ANKRD17: variants seen among roughly 807,000 people sequenced by gnomAD.
The protein encoded by ANKRD17 is ankyrin repeat domain-containing protein 17.
A neutral mutation model predicts 229.7 loss-of-function variants in ANKRD17; 19 were observed. That is an observed-to-expected ratio of 0.08 (90% CI 0.06 to 0.12). The LOEUF (loss-of-function observed/expected upper bound fraction) is 0.12. Ranked by LOEUF, ANKRD17 falls within the 10% of genes least tolerant of loss-of-function variation. The pLI is 1.00. For synonymous variants in ANKRD17, 1,112 were observed against 1,146.1 expected (o/e 0.97, Z 0.60); for missense variants, 2,176 against 3,176.8 (o/e 0.68, Z 7.57).
At chr4:73,120,838 T>G in intron 20 of ANKRD17, 43 bp downstream of exon 20, 5 of 1,559,504 alleles carry the variant, frequency 3.2e-6, no homozygotes, top group Non-Finnish European at 4.4e-6. Flanking sequence ...ATCTTAAATA[T>G]CAAAGCAATA....
At chr4:73,092,359 GT>G in intron 28 of ANKRD17, 59 bp from the exon 29 acceptor site, 2 of 1,373,728 alleles carry the variant, frequency 1.5e-6, no homozygotes, top group Non-Finnish European at 2.0e-6. Context: ...TATGTAAAGT[GT>G]TTTTAATATG....
At chr4:73,211,708 G>A (rs1436181579) in intron 1 of ANKRD17, among the ~76,000 whole-genome samples, 2 of 151,942 alleles carry the variant, frequency 1.3e-5, no homozygotes, top group Admixed American at 1.3e-4. Flanking sequence ...TTAGCTGGGC[G>A]TGGTGGCAGG....
rs145866491 is a variant in ANKRD17 at position 73,156,604 on chromosome 4, A to G, written c.705-438T>C. Among the ~76,000 whole-genome samples the G allele has an allele frequency of 6.1e-3, 931 of 152,062 alleles. 11 individuals carry two copies. The highest frequency in any genetic ancestry group is 0.019 in the African/African-American group (773 of 41,464). ...AGTTCTCATGATATCTGTTTGTTTA[A>G]AAGTGTGTAGCACTACCCACTTTGC... On this transcript the variant is annotated intron_variant, in intron 3 of 33. Coordinates refer to ENST00000358602, the MANE Select transcript of ANKRD17 (RefSeq NM_032217.5).
In ANKRD17 at chr4:73,091,364, T is replaced by A; in HGVS notation, c.6264A>T (p.Thr2088=). ...EAGSPPVVET[T]NTRPPNSSSS... is the part of the protein sequence containing the mutation. ...TGCTGCTGTTTGGAGGTCTAGTGTT[T>A]GTTGTTTCTACTACTGGTGGACTAC... Residue 2088 remains threonine, a synonymous_variant, in exon 29 of 34, where the codon ACA becomes ACT. Coordinates refer to ENST00000358602, the MANE Select transcript of ANKRD17 (RefSeq NM_032217.5). 2 of 1,614,144 alleles carry A rather than the reference T, an allele frequency of 1.2e-6. No individual in the cohort carries two copies.
intron 18 of ANKRD17, among the ~76,000 whole-genome samples, chr4:73,122,766 T>C (rs1298398329): frequency 6.6e-6 from 1 of 152,082 alleles, no homozygotes; most frequent in Non-Finnish European, 1.5e-5. Flanking sequence ...ACTTTTTGCT[T>C]TCAGAGCGAG....
At chr4:73,215,492 T>C (rs550761785) in intron 1 of ANKRD17, among the ~76,000 whole-genome samples, 4 of 152,336 alleles carry the variant, frequency 2.6e-5, no homozygotes, top group Admixed American at 2.0e-4. Context: ...TCTCTTGACC[T>C]TGTGATCCAC....
intron 1 of ANKRD17, among the ~76,000 whole-genome samples, chr4:73,191,337 A>ATCTGTGTGTGTG (rs1349894740): frequency 1.6e-5 from 1 of 61,918 alleles, no homozygotes. Context: ...ACCAAAAAAT[A>ATCTGTGTGTGTG]TATATGTGTG....
chr4:73,125,310 A>C lies in ANKRD17; in HGVS notation c.3237T>G (p.Thr1079=). The change falls in exon 17 of 34, where the codon ACT becomes ACG. Residue 1079 remains threonine (T), a splice_region_variant and synonymous_variant. Transcript: ENST00000358602. The part of the protein sequence containing the change: ...IYPAIDIDAQ[T]ESNHDTALTL... ...TTAGTGCCGTGTCATGATTACTCTCAGTCTATAAGAAATTATTTTTTGGTT... is the reference window on the plus strand; with the variant it reads ...TTAGTGCCGTGTCATGATTACTCTCCGTCTATAAGAAATTATTTTTTGGTT... 1.9e-6 allele frequency: 3 copies of C among 1,580,274 alleles called. No individual in the cohort carries two copies. In the South Asian group the frequency reaches 3.5e-5, roughly 18 times the overall value.
At chr4:73,189,016 A>G (rs915040841) in intron 1 of ANKRD17, among the ~76,000 whole-genome samples, 2 of 152,228 alleles carry the variant, frequency 1.3e-5, no homozygotes, top group African/African-American at 4.8e-5. Flanking sequence ...AGCAACGTCA[A>G]TGACAGATAA....
chr4:73,130,625 G>A lies in ANKRD17; in HGVS notation c.3234+4492C>T, dbSNP rs1266042741. ...ATAAAGATCTATTTTTTTTTTTTCA[G>A]TTTTGAGATGTACTAGAATAAGGTA... On this transcript the variant is annotated intron_variant, in intron 16 of 33. Transcript: ENST00000358602. Among the ~76,000 whole-genome samples the A allele has an allele frequency of 1.1e-4, 16 of 144,736 alleles. No individual in the cohort carries two copies. In the East Asian group the frequency reaches 2.6e-3, roughly 23 times the overall value. 95.0% of individuals were successfully genotyped at this position (144,736 alleles called of 152,430 possible).
At chr4:73,230,595 C>T (rs1290355013) in intron 1 of ANKRD17, among the ~76,000 whole-genome samples, 1 of 152,064 alleles carries the variant, frequency 6.6e-6, no homozygotes, top group East Asian at 1.9e-4. Context: ...TCTAATTGGT[C>T]CCCTTCCCAT....
At chr4:73,115,339 G>A (rs1230839027) in intron 23 of ANKRD17, among the ~76,000 whole-genome samples, 1 of 152,096 alleles carries the variant, frequency 6.6e-6, no homozygotes, top group Non-Finnish European at 1.5e-5. Flanking sequence ...TGCCCAGGCT[G>A]GAGTACAATG....
Position 73,258,762 on chromosome 4 carries a change from T to G in ANKRD17, c.-94A>C. On this transcript the variant is annotated 5_prime_UTR_variant, in exon 1 of 34. Coordinates refer to ENST00000358602, the MANE Select transcript of ANKRD17 (RefSeq NM_032217.5). ...GCACTGGGGCCGACACAGCAATCGG[T>G]GCCGCCTCCGCCGCCACCGCCTCGG... The G allele has an allele frequency of 7.6e-7, 1 of 1,319,594 alleles. No individual in the cohort carries two copies. The highest frequency in any genetic ancestry group is 2.9e-4 in the Middle Eastern group (1 of 3,456). The allele number at this position is 1,319,594 out of a possible 1,614,324, so 81.7% of individuals were successfully genotyped here.
chr4:73,151,195 C>A (rs1215818893), intron 7 of ANKRD17, among the ~76,000 whole-genome samples: 1 of 152,084 alleles, frequency 6.6e-6, no homozygotes, highest in African/African-American at 2.4e-5. Context: ...TATTTCATAT[C>A]CTCAACCAAT....
chr4:73,109,190 C>T (rs951557805), intron 24 of ANKRD17, among the ~76,000 whole-genome samples: 1 of 151,942 alleles, frequency 6.6e-6, no homozygotes, highest in South Asian at 2.1e-4. Flanking sequence ...ATCCCAGCTA[C>T]TTGGGAGGGT....
At chr4:73,245,574 C>T (rs1212964686) in intron 1 of ANKRD17, among the ~76,000 whole-genome samples, 2 of 152,174 alleles carry the variant, frequency 1.3e-5, no homozygotes, top group African/African-American at 2.4e-5. Context: ...AACTGCCTGC[C>T]GTACAGATTT....
At chr4:73,176,853 C>G (rs1734799398) in intron 2 of ANKRD17, among the ~76,000 whole-genome samples, 1 of 151,964 alleles carries the variant, frequency 6.6e-6, no homozygotes, top group South Asian at 2.1e-4. Context: ...ACTATGTACC[C>G]ACAAAAATTA....
chr4:73,114,364 T>C (rs1725676247), intron 23 of ANKRD17, among the ~76,000 whole-genome samples: 1 of 152,224 alleles, frequency 6.6e-6, no homozygotes, highest in Non-Finnish European at 1.5e-5. Flanking sequence ...ATCAGATACA[T>C]GTACTTACAT....
chr4:73,079,198 AAAAC>A, intron 30 of ANKRD17, among the ~76,000 whole-genome samples: 2 of 152,338 alleles, frequency 1.3e-5, no homozygotes, highest in Middle Eastern at 6.8e-3. Flanking sequence ...TTTAAATTAA[AAAAC>A]AAACCAACAA....
Sources: allele counts gnomAD v4.1 joint callset (sites outside exome capture counted in the v4.1 genomes callset), GRCh38; gene constraint gnomAD v4.1.1; transcripts MANE v1.5; gene names NCBI Gene and HGNC (gene_info 2026-07-23, HGNC 2026-07-21).